CACNG3: variants seen among roughly 807,000 people sequenced by gnomAD.
CACNG3 encodes the protein voltage-dependent calcium channel gamma-3 subunit.
In CACNG3, 3 loss-of-function variants were observed where a neutral mutation model predicts 28.5. That is an observed-to-expected ratio of 0.11 (90% CI 0.05 to 0.27). The LOEUF (loss-of-function observed/expected upper bound fraction) is 0.27. CACNG3 is among the 10% of genes least tolerant of loss of function. The pLI, the probability that CACNG3 is intolerant of heterozygous loss-of-function variation, is 1.00. For missense variants in CACNG3, 236 were observed against 414.4 expected, an observed-to-expected ratio of 0.57 and a Z score of 3.74; for synonymous variants, 174 against 162.2, an observed-to-expected ratio of 1.07 and a Z score of -0.55.
chr16:24,351,754 A>AG (rs1236763549), intron 2 of CACNG3, among the ~76,000 whole-genome samples: 1 of 63,062 alleles, frequency 1.6e-5, no homozygotes, highest in African/African-American at 5.7e-5. Flanking sequence ...GAAGGAAGGA[A>AG]GGAAGAGAGA....
At chr16:24,351,998 G>GT (rs1482693642) in intron 2 of CACNG3, among the ~76,000 whole-genome samples, 1 of 151,878 alleles carries the variant, frequency 6.6e-6, no homozygotes, top group African/African-American at 2.4e-5. Flanking sequence ...TGTATTTTTA[G>GT]TAGAGACGGG....
chr16:24,356,140 C>T (rs1900028186), intron 3 of CACNG3, among the ~76,000 whole-genome samples: 1 of 152,076 alleles, frequency 6.6e-6, no homozygotes, highest in African/African-American at 2.4e-5. Context: ...TGGATCAGTG[C>T]CATTTGGATG....
At chr16:24,357,761 G>A (rs11860742) in intron 3 of CACNG3, among the ~76,000 whole-genome samples, 13,177 of 152,230 alleles carry the variant, frequency 0.087, 930 homozygotes, top group African/African-American at 0.19. Context: ...CAGATCTCCC[G>A]GGTGCTTGGC....
intron 1 of CACNG3, among the ~76,000 whole-genome samples, chr16:24,268,347 G>A (rs903907523): frequency 5.3e-5 from 8 of 152,130 alleles, no homozygotes; most frequent in African/African-American, 1.9e-4. Flanking sequence ...TGGTGACAGG[G>A]CTGGGATATA....
rs547278521 is a variant in CACNG3, at chr16:24,304,274, T to C, written c.212-42460T>C. ...ATAGATTTTTTTGGACTTCCTAATA[T>C]ACATTTTAAGGATAGAGTTTCCTTT... On this transcript the variant is annotated intron_variant, in intron 1 of 3. Transcript: ENST00000005284. 3.0e-4 allele frequency among the ~76,000 whole-genome samples: 45 copies of C among 152,306 alleles called. 1 individual carries two copies. The highest frequency in any genetic ancestry group is 1.2e-3 in the East Asian group (6 of 5,184).
rs1209188252 is a variant in CACNG3 at position 24,362,163 on chromosome 16, G to A, written c.*300G>A. 3 of 268,130 alleles carry A rather than the reference G, an allele frequency of 1.1e-5. No individual in the cohort carries two copies. The highest frequency in any genetic ancestry group is 6.7e-5 in the East Asian group (1 of 15,014). 16.6% of individuals were successfully genotyped at this position (268,130 alleles called of 1,614,324 possible). The stretch of plus-strand genomic sequence containing the variant: ...TCCACATTCTTCCCTCCTTGGAAGA[G>A]GACTTTACTAAAAGTCACAGGTGGT... On this transcript the variant is annotated 3_prime_UTR_variant, in exon 4 of 4. Coordinates refer to ENST00000005284, the MANE Select transcript of CACNG3 (RefSeq NM_006539.4).
At chr16:24,324,008 T>C (rs1322440174) in intron 1 of CACNG3, among the ~76,000 whole-genome samples, 1 of 152,292 alleles carries the variant, frequency 6.6e-6, no homozygotes, top group East Asian at 1.9e-4. Flanking sequence ...CCTCAGGAAC[T>C]CCTGATCTGC....
intron 1 of CACNG3, among the ~76,000 whole-genome samples, chr16:24,330,576 C>G (rs1035850551): frequency 6.6e-6 from 1 of 152,220 alleles, no homozygotes; most frequent in Non-Finnish European, 1.5e-5. Context: ...CTCAAAGCCT[C>G]TAATTCAGGG....
intron 1 of CACNG3, among the ~76,000 whole-genome samples, chr16:24,325,918 G>A (rs1899535529): frequency 1.3e-5 from 2 of 152,184 alleles, no homozygotes; most frequent in Non-Finnish European, 2.9e-5. Flanking sequence ...AGCCACATAA[G>A]CTATTGGCTG....
intron 1 of CACNG3, among the ~76,000 whole-genome samples, chr16:24,286,179 G>T (rs2141353375): frequency 6.6e-6 from 1 of 152,042 alleles, no homozygotes; most frequent in East Asian, 1.9e-4. Flanking sequence ...CATTCATCTT[G>T]TTTCCAGTTT....
intron 1 of CACNG3, among the ~76,000 whole-genome samples, chr16:24,280,131 G>A (rs1898805448): frequency 6.6e-6 from 1 of 152,224 alleles, no homozygotes; most frequent in East Asian, 1.9e-4. Flanking sequence ...TGCAACACCA[G>A]GAGGTCACTG....
chr16:24,260,838 G>A (rs1266943640), intron 1 of CACNG3, among the ~76,000 whole-genome samples: 1 of 152,198 alleles, frequency 6.6e-6, no homozygotes, highest in African/African-American at 2.4e-5. Context: ...TAACTGGAAA[G>A]CACGGGAGGC....
At chr16:24,316,828 G>A (rs1899358517) in intron 1 of CACNG3, among the ~76,000 whole-genome samples, 3 of 152,336 alleles carry the variant, frequency 2.0e-5, no homozygotes, top group Admixed American at 2.0e-4. Context: ...AAACAGACCT[G>A]GTGGAAATTC....
chr16:24,263,083 G>GT (rs1363408396), intron 1 of CACNG3, among the ~76,000 whole-genome samples: 2 of 152,192 alleles, frequency 1.3e-5, no homozygotes, highest in African/African-American at 4.8e-5. Flanking sequence ...TTGAGGCCTG[G>GT]TTGCTACAAA....
intron 2 of CACNG3, among the ~76,000 whole-genome samples, chr16:24,349,601 A>C (rs1315113275): frequency 1.3e-5 from 2 of 152,200 alleles, no homozygotes; most frequent in Non-Finnish European, 1.5e-5. Flanking sequence ...GTAAAGTGTC[A>C]CGGCGCTGGC....
At chr16:24,272,308 T>A (rs1310819655) in intron 1 of CACNG3, among the ~76,000 whole-genome samples, 1 of 152,136 alleles carries the variant, frequency 6.6e-6, no homozygotes, top group Non-Finnish European at 1.5e-5. Flanking sequence ...ACCCTCACTA[T>A]AGACTCATCT....
intron 1 of CACNG3, among the ~76,000 whole-genome samples, chr16:24,317,212 T>C (rs1899363773): frequency 6.6e-6 from 1 of 152,102 alleles, no homozygotes; most frequent in Non-Finnish European, 1.5e-5. Context: ...AGCTTAGAGA[T>C]GTTGAGAAAT....
chr16:24,297,132 G>A (rs536952330), intron 1 of CACNG3, among the ~76,000 whole-genome samples: 1 of 152,162 alleles, frequency 6.6e-6, no homozygotes, highest in South Asian at 2.1e-4. Context: ...TTGCAAGACT[G>A]TGCTACTTAG....
chr16:24,361,704 G>A lies in CACNG3; in HGVS notation c.789G>A (p.Ser263=), dbSNP rs749942057. The change falls in exon 4 of 4, where the codon TCG becomes TCA. Residue 263 remains serine (S), a synonymous_variant. Transcript: ENST00000005284. This position sits in a 1 kb window ranked among gnomAD's most constrained non-coding sequence, Gnocchi z 6.8. The part of the protein sequence containing the change: ...GFHTIPSTDI[S]MFTLSRDPSK... ...ACACCATCCCTTCCACTGACATCTCGATGTTCACCCTCTCCCGGGACCCCT... is the reference window on the plus strand; with the variant it reads ...ACACCATCCCTTCCACTGACATCTCAATGTTCACCCTCTCCCGGGACCCCT... 14 of 1,612,852 alleles carry A rather than the reference G, an allele frequency of 8.7e-6. 1 individual carries two copies. In the African/African-American group the frequency reaches 1.3e-4, roughly 15 times the overall value.
Sources: allele counts gnomAD v4.1 joint callset (sites outside exome capture counted in the v4.1 genomes callset), GRCh38; gene constraint gnomAD v4.1.1; non-coding constraint Gnocchi (gnomAD v3.1); transcripts MANE v1.5; gene names NCBI Gene and HGNC (gene_info 2026-07-23, HGNC 2026-07-21).